Variants in ITGB1 observed in about 807,000 individuals in gnomAD.
ITGB1 encodes the protein integrin beta-1.
ITGB1 carries 24 observed loss-of-function variants against 86.5 expected under a neutral mutation model. That is an observed-to-expected ratio of 0.28 (90% CI 0.20 to 0.39). The LOEUF (loss-of-function observed/expected upper bound fraction) is 0.39, where lower values mean the gene tolerates loss of function less well. ITGB1 is among the 10% of genes least tolerant of loss of function. The pLI, the probability that ITGB1 is intolerant of heterozygous loss-of-function variation, is 1.00. For missense variants in ITGB1, 556 were observed against 946.9 expected (o/e 0.59, Z 5.42); for synonymous variants, 323 against 316.8 (o/e 1.02, Z -0.21).
intron 1 of ITGB1, among the ~76,000 whole-genome samples, chr10:32,938,982 G>A (rs1021041395): frequency 5.3e-5 from 8 of 152,116 alleles, no homozygotes; most frequent in Admixed American, 1.3e-4. Context: ...CCCTTCTACC[G>A]GTACTGGGTG....
intron 3 of ITGB1, among the ~76,000 whole-genome samples, chr10:32,931,092 TACTAATGAGAGTA>T (rs2094981976): frequency 6.6e-6 from 1 of 152,152 alleles, no homozygotes; most frequent in African/African-American, 2.4e-5. Context: ...AGAAACATCA[TACTAATGAGAGTA>T]TTTATGTAAT....
At chr10:32,925,803 A>C in intron 6 of ITGB1, 68 bp downstream of exon 6, 1 of 969,966 alleles carries the variant, frequency 1.0e-6, no homozygotes. Flanking sequence ...TTATCATAGT[A>C]AAATCACACT....
intron 8 of ITGB1, 23 bp downstream of exon 8, chr10:32,922,617 T>A: frequency 7.2e-7 from 1 of 1,383,284 alleles, no homozygotes; most frequent in Non-Finnish European, 1.0e-6. Context: ...TAGAATCTTG[T>A]TCTTTTTATC....
intron 1 of ITGB1, among the ~76,000 whole-genome samples, chr10:32,939,719 GGTAAGTGAGTGA>G (rs1315796539): frequency 3.7e-4 from 40 of 108,118 alleles, no homozygotes; most frequent in African/African-American, 1.0e-3. Flanking sequence ...TGGCTGGGTG[GGTAAGTGAGTGA>G]GTGAGTGAGT....
rs576620418 is a variant in ITGB1, at chr10:32,915,349, G to A, written c.1470-3225C>T. The stretch of plus-strand genomic sequence containing the variant: ...ACTGAAGGAGATAGAGACATAAAAA[G>A]CCCTTCAAAAAATCAATGAATCCAG... On this transcript the variant is annotated intron_variant, in intron 11 of 15. Coordinates refer to ENST00000302278, the MANE Select transcript of ITGB1 (RefSeq NM_002211.4). Among the ~76,000 whole-genome samples, 18 of 152,070 alleles carry A rather than the reference G, an allele frequency of 1.2e-4. No individual in the cohort carries two copies. In the South Asian group the frequency reaches 3.7e-3, roughly 32 times the overall value.
At chr10:32,937,554 C>CAAAAAAAAAAAAAAAA in intron 1 of ITGB1, among the ~76,000 whole-genome samples, 1 of 91,872 alleles carries the variant, frequency 1.1e-5, no homozygotes, top group Middle Eastern at 7.0e-3. Flanking sequence ...GACTCCGTCT[C>CAAAAAAAAAAAAAAAA]AAAAAAAAAA....
intron 1 of ITGB1, among the ~76,000 whole-genome samples, chr10:32,946,551 G>A (rs1399438567): frequency 3.3e-5 from 5 of 152,204 alleles, no homozygotes; most frequent in East Asian, 1.9e-4. Flanking sequence ...CTGTGACCTG[G>A]TAGGAGAAGT....
intron 15 of ITGB1, chr10:32,906,913 C>T (rs1003170158): frequency 1.3e-5 from 6 of 456,290 alleles, no homozygotes; most frequent in African/African-American, 1.1e-4. Flanking sequence ...TCTTTCTAAA[C>T]GCGAAGTTAA....
At chr10:32,954,213 A>G (rs942253709) in intron 1 of ITGB1, among the ~76,000 whole-genome samples, 1 of 146,052 alleles carries the variant, frequency 6.8e-6, no homozygotes, top group African/African-American at 2.5e-5. Context: ...TGGTCACCTT[A>G]AAAAAAAAAA....
intron 1 of ITGB1, among the ~76,000 whole-genome samples, chr10:32,939,426 T>C (rs575692598): frequency 4.6e-5 from 7 of 152,300 alleles, no homozygotes; most frequent in African/African-American, 1.7e-4. Flanking sequence ...GGCAATCTCA[T>C]CTTTGTGCAA....
chr10:32,923,604 T>C lies in ITGB1; in HGVS notation c.923A>G (p.Tyr308Cys). The part of the protein sequence containing the change: ...DGQCHLENNM[Y>C]TMSHYYDYPS... ...ACTTACATAATAATGGCTCATTGTGTACATATTATTTTCCAGGTGACATTG... is the reference window on the plus strand; with the variant it reads ...ACTTACATAATAATGGCTCATTGTGCACATATTATTTTCCAGGTGACATTG... Residue 308 changes from tyrosine to cysteine, a missense_variant, in exon 7 of 16, where the codon TAC (tyrosine) becomes TGC (cysteine). By Grantham distance (194) the Tyr-to-Cys change is radical. Around this residue, in one of 4 missense-constraint regions of ITGB1, gnomAD observed 330 missense variants for 531.5 expected, o/e 0.62. Coordinates refer to ENST00000302278, the MANE Select transcript of ITGB1 (RefSeq NM_002211.4). The C allele has an allele frequency of 6.2e-7, 1 of 1,613,522 alleles. No individual in the cohort carries two copies. The highest frequency in any genetic ancestry group is 1.1e-5 in the South Asian group (1 of 90,992).
At chr10:32,913,098 G>A (rs1429405531) in intron 11 of ITGB1, among the ~76,000 whole-genome samples, 1 of 152,206 alleles carries the variant, frequency 6.6e-6, no homozygotes, top group East Asian at 1.9e-4. Flanking sequence ...GCAGCTGAGG[G>A]TCCTGACTGT....
At chr10:32,955,496 G>T (rs1032625452) in intron 1 of ITGB1, 1 of 152,186 alleles carries the variant, frequency 6.6e-6, no homozygotes, top group Non-Finnish European at 1.5e-5. Context: ...GCAAACCAGA[G>T]CAGCTACAGA....
intron 11 of ITGB1, among the ~76,000 whole-genome samples, chr10:32,918,848 G>A (rs1241488012): frequency 1.3e-5 from 2 of 152,062 alleles, no homozygotes; most frequent in Non-Finnish European, 2.9e-5. Flanking sequence ...AACATACTGT[G>A]TATACCACTT....
rs186656003 is a variant in ITGB1 at position 32,950,890 on chromosome 10, G to A, written c.-1+7255C>T. On this transcript the variant is annotated intron_variant, in intron 1 of 15. Coordinates refer to ENST00000302278, the MANE Select transcript of ITGB1 (RefSeq NM_002211.4). The stretch of plus-strand genomic sequence containing the variant: ...TAAGAAAATTATACAACAGATTGAA[G>A]ATAAAATTCATCACTAGTGACTCTA... Among the ~76,000 whole-genome samples, 253 of 152,256 alleles carry A rather than the reference G, an allele frequency of 1.7e-3. 1 individual carries two copies. The highest frequency in any genetic ancestry group is 5.8e-3 in the African/African-American group (242 of 41,546).
At chr10:32,922,107 A>C in intron 9 of ITGB1, 150 bp downstream of exon 9, 1 of 485,956 alleles carries the variant, frequency 2.1e-6, no homozygotes, top group South Asian at 3.8e-5. Context: ...AATATGTATA[A>C]AGTTTTTCCT....
intron 1 of ITGB1, among the ~76,000 whole-genome samples, chr10:32,948,652 G>A (rs992997789): frequency 2.0e-5 from 3 of 152,256 alleles, no homozygotes; most frequent in South Asian, 2.1e-4. Context: ...TGGAGAATGG[G>A]TTCCAGATAA....
rs2094999358 is a variant in ITGB1, at chr10:32,935,706, C to T, written c.1-148G>A. On this transcript the variant is annotated intron_variant, in intron 1 of 15. Coordinates refer to ENST00000302278, the MANE Select transcript of ITGB1 (RefSeq NM_002211.4). ...TTCACTCCAGCCCCTCTCCACAGAC[C>T]CTCGCCCATCTCCCCTCCCTATCTG... The T allele has an allele frequency of 1.0e-5, 6 of 599,524 alleles. No homozygotes were observed. In the East Asian group the frequency reaches 1.7e-4, roughly 17 times the overall value. The allele number at this position is 599,524 out of a possible 1,614,324, so 37.1% of individuals were successfully genotyped here.
intron 1 of ITGB1, among the ~76,000 whole-genome samples, chr10:32,947,492 A>C (rs925297168): frequency 4.3e-5 from 6 of 138,514 alleles, no homozygotes; most frequent in African/African-American, 1.6e-4. Flanking sequence ...CAGTATGTTA[A>C]AACATATATA....
Sources: allele counts gnomAD v4.1 joint callset (sites outside exome capture counted in the v4.1 genomes callset), GRCh38; gene constraint gnomAD v4.1.1; regional missense constraint gnomAD v4.1.1; transcripts MANE v1.5; gene names NCBI Gene and HGNC (gene_info 2026-07-23, HGNC 2026-07-21).